PHKB: variants seen among roughly 807,000 people sequenced by gnomAD.
PHKB encodes phosphorylase b kinase regulatory subunit beta.
Under a neutral mutation model 152.1 loss-of-function variants are expected in PHKB, and 122 were observed. The ratio of observed to expected loss-of-function variants is 0.80; its 90% CI spans 0.69 to 0.93. The LOEUF is 0.93. Among genes scored for constraint, PHKB ranks in the 40% least tolerant of loss-of-function variants. The pLI, the probability that PHKB is intolerant of heterozygous loss-of-function variation, is 0.00. For synonymous variants in PHKB, 436 were observed against 464.9 expected, an observed-to-expected ratio of 0.94 and a Z score of 0.80; for missense variants, 1,304 against 1,328.4, an observed-to-expected ratio of 0.98 and a Z score of 0.29.
intron 1 of PHKB, among the ~76,000 whole-genome samples, chr16:47,469,144 C>G (rs1390111150): frequency 6.6e-6 from 1 of 152,148 alleles, no homozygotes; most frequent in African/African-American, 2.4e-5. Flanking sequence ...ATAGCTGTAT[C>G]CCTAAAGTCC....
intron 26 of PHKB, among the ~76,000 whole-genome samples, chr16:47,685,496 G>A (rs990679382): frequency 6.6e-6 from 1 of 152,178 alleles, no homozygotes; most frequent in Non-Finnish European, 1.5e-5. Context: ...CATTGGGAAT[G>A]AGGGATAATT....
intron 6 of PHKB, among the ~76,000 whole-genome samples, chr16:47,533,714 C>T (rs1445987695): frequency 1.3e-5 from 2 of 152,176 alleles, no homozygotes; most frequent in East Asian, 1.9e-4. Flanking sequence ...TCCAAGCCTG[C>T]GAGGGCAGGG....
At chr16:47,576,984 C>A (rs1381958779) in intron 7 of PHKB, among the ~76,000 whole-genome samples, 1 of 151,798 alleles carries the variant, frequency 6.6e-6, no homozygotes, top group African/African-American at 2.4e-5. Flanking sequence ...CTGCCATTTT[C>A]TTTTTTATTT....
At chr16:47,497,015 A>T (rs750283592) in intron 1 of PHKB, among the ~76,000 whole-genome samples, 13 of 152,204 alleles carry the variant, frequency 8.5e-5, no homozygotes, top group Non-Finnish European at 1.8e-4. Context: ...ATGAAACATT[A>T]GCATAAGGAA....
At chr16:47,534,200 C>G (rs556510018) in intron 6 of PHKB, among the ~76,000 whole-genome samples, 2 of 152,316 alleles carry the variant, frequency 1.3e-5, no homozygotes, top group East Asian at 3.9e-4. Flanking sequence ...TCCAGATGGC[C>G]CACCGCTGCC....
At chr16:47,659,524 A>G (rs1324055563) in intron 20 of PHKB, among the ~76,000 whole-genome samples, 9 of 152,236 alleles carry the variant, frequency 5.9e-5, no homozygotes, top group African/African-American at 1.7e-4. Context: ...AAACCATTGT[A>G]GGTTTATCAT....
chr16:47,516,535 T>A (rs1477854526), intron 6 of PHKB, among the ~76,000 whole-genome samples: 1 of 152,160 alleles, frequency 6.6e-6, no homozygotes, highest in East Asian at 1.9e-4. Flanking sequence ...CAGTGAGAAC[T>A]CTGTGAAAGG....
intron 27 of PHKB, among the ~76,000 whole-genome samples, chr16:47,692,630 AAATAAATAAATAAATAAATG>A (rs896335247): frequency 2.0e-5 from 3 of 151,730 alleles, no homozygotes; most frequent in Non-Finnish European, 4.4e-5. Context: ...ATAAATAAAT[AAATAAATAAATAAATAAATG>A]TATCTGTCCT....
intron 29 of PHKB, among the ~76,000 whole-genome samples, chr16:47,697,691 C>A (rs1274469102): frequency 6.6e-6 from 1 of 152,168 alleles, no homozygotes; most frequent in African/African-American, 2.4e-5. Flanking sequence ...GGCGTGTTTC[C>A]TGTTCAGTGT....
chr16:47,654,447 A>C (rs546240480), intron 20 of PHKB, among the ~76,000 whole-genome samples: 3 of 152,306 alleles, frequency 2.0e-5, no homozygotes, highest in African/African-American at 4.8e-5. Context: ...CCATCCCATT[A>C]CTGGGTATAT....
chr16:47,566,459 G>C (rs1168558739), intron 7 of PHKB: 1 of 1,609,042 alleles, frequency 6.2e-7, no homozygotes, highest in Non-Finnish European at 8.5e-7. Context: ...GGGAATCCAG[G>C]TCCTCAAATT....
rs62061100 is a variant in PHKB, at chr16:47,638,893, A to G, written c.1459-2142A>G. On this transcript the variant is annotated intron_variant, in intron 14 of 30. Transcript: ENST00000323584. The stretch of plus-strand genomic sequence containing the variant: ...TAACCTATAAGCAGAAATTATTACA[A>G]TATTGTTAGGAAAAATGCCATTCAG... 1.7e-3 allele frequency among the ~76,000 whole-genome samples: 261 copies of G among 152,334 alleles called. 1 individual carries two copies. Among genetic ancestry groups the G allele is most frequent in the Non-Finnish European group, 2.9e-3 (197 of 68,028 alleles).
intron 14 of PHKB, among the ~76,000 whole-genome samples, chr16:47,634,104 T>C (rs552534837): frequency 3.9e-5 from 6 of 152,362 alleles, no homozygotes; most frequent in African/African-American, 1.4e-4. Context: ...GTTAAATGCT[T>C]ATATATTATG....
intron 7 of PHKB, chr16:47,565,620 G>A: frequency 1.9e-6 from 2 of 1,077,776 alleles, no homozygotes; most frequent in Non-Finnish European, 2.9e-6. Context: ...GCCGGATGTG[G>A]CAGAGGTCCC....
intron 14 of PHKB, among the ~76,000 whole-genome samples, chr16:47,636,235 T>C (rs949916011): frequency 9.9e-5 from 15 of 152,112 alleles, no homozygotes; most frequent in African/African-American, 3.6e-4. Context: ...AAGAGAAAGG[T>C]CAAGACCAGA....
At chr16:47,582,797 T>G (rs1971870204) in intron 8 of PHKB, among the ~76,000 whole-genome samples, 1 of 152,036 alleles carries the variant, frequency 6.6e-6, no homozygotes. Context: ...TCTTCTTTCT[T>G]TCTTTCTTTC....
At chr16:47,670,638 C>T (rs904160187) in intron 26 of PHKB, among the ~76,000 whole-genome samples, 11 of 152,086 alleles carry the variant, frequency 7.2e-5, no homozygotes, top group East Asian at 1.9e-4. Context: ...TACAAGCGTG[C>T]GCCACCACAC....
At chr16:47,565,819 T>A (rs1971555283) in intron 7 of PHKB, 5 of 1,432,444 alleles carry the variant, frequency 3.5e-6, no homozygotes, top group Non-Finnish European at 4.9e-6. Flanking sequence ...ATGGGCTTTG[T>A]CCCTCCAAAG....
intron 26 of PHKB, among the ~76,000 whole-genome samples, chr16:47,684,388 T>G (rs1973923176): frequency 6.6e-6 from 1 of 152,188 alleles, no homozygotes; most frequent in South Asian, 2.1e-4. Context: ...TCCATGTACT[T>G]TATTTCATAT....
Sources: allele counts gnomAD v4.1 joint callset (sites outside exome capture counted in the v4.1 genomes callset), GRCh38; gene constraint gnomAD v4.1.1; transcripts MANE v1.5; gene names NCBI Gene and HGNC (gene_info 2026-07-23, HGNC 2026-07-21).